Variants in TENM1 observed in about 807,000 individuals in gnomAD.
TENM1 encodes teneurin-1.
TENM1 carries 35 observed loss-of-function variants against 174.8 expected under a neutral mutation model. The ratio of observed to expected loss-of-function variants is 0.20; its 90% CI spans 0.15 to 0.27. TENM1 has a LOEUF of 0.27. TENM1 is among the 10% of genes least tolerant of loss of function. The probability of loss-of-function intolerance (pLI) is 1.00; values close to 1 mark genes in which losing one functional copy is unlikely to be tolerated. For synonymous variants in TENM1, 781 were observed against 798.7 expected, an observed-to-expected ratio of 0.98 and a Z score of 0.37; for missense variants, 1,633 against 2,130.1, an observed-to-expected ratio of 0.77 and a Z score of 4.59.
rs750867851 is a variant in TENM1, at chrX:124,436,832, A to G, written c.4105-14194T>C. Among the ~76,000 whole-genome samples, 8 of 109,070 alleles carry G rather than the reference A, an allele frequency of 7.3e-5. No homozygotes were observed. The South Asian group carries it at 2.7e-3, about 37-fold the overall frequency. The allele number at this position is 109,070 out of a possible 115,157, so 94.7% of individuals were successfully genotyped here. A position where few individuals can be genotyped will look rare whatever the true frequency, so the allele number is the denominator to read the frequency against. On this transcript the variant is annotated intron_variant, in intron 23 of 31. Coordinates refer to ENST00000422452, the Ensembl canonical transcript of TENM1. ...GCCACTTCCTACAGATATTATCTCT[A>G]TCTCTTGTTTTTTTCTGACCCTGTA... is the stretch of plus-strand genomic sequence containing the variant.
chrX:125,155,828 C>T, the TENM1 span, among the ~76,000 whole-genome samples: 1 of 112,456 alleles, frequency 8.9e-6, no homozygotes, highest in Non-Finnish European at 1.9e-5. Flanking sequence ...CCCGGGTTCC[C>T]GCCCATGCCT....
chrX:124,831,910 C>T (rs190945329), intron 3 of TENM1, among the ~76,000 whole-genome samples: 23 of 112,014 alleles, frequency 2.1e-4, no homozygotes, highest in Middle Eastern at 4.6e-3. Flanking sequence ...TGTCACGGGG[C>T]TCGCTTCTCA....
chrX:124,940,505 G>A (rs754801923), intron 1 of TENM1, among the ~76,000 whole-genome samples: 1 of 111,253 alleles, frequency 9.0e-6, no homozygotes, highest in African/African-American at 3.3e-5. Context: ...TGTTCCCTGA[G>A]CCAATAAATT....
chrX:125,102,553 T>C, the TENM1 span, among the ~76,000 whole-genome samples: 1 of 112,000 alleles, frequency 8.9e-6, no homozygotes, highest in Non-Finnish European at 1.9e-5. Flanking sequence ...CCTATGATTG[T>C]ATTATTTATA....
chrX:124,823,253 G>A (rs1279710519), intron 3 of TENM1, among the ~76,000 whole-genome samples: 1 of 112,135 alleles, frequency 8.9e-6, no homozygotes, highest in Non-Finnish European at 1.9e-5. Context: ...GGAAATTCAA[G>A]TGAAATTTTC....
chrX:124,386,188 G>A, intron 28 of TENM1, 124 bp from the exon 32 acceptor site: 2 of 622,681 alleles, frequency 3.2e-6, no homozygotes, highest in South Asian at 6.0e-5. Context: ...AGACACTGTG[G>A]CAAACCCTAG....
intron 3 of TENM1, among the ~76,000 whole-genome samples, chrX:124,830,869 G>T (rs181509381): frequency 1.8e-5 from 2 of 112,079 alleles, no homozygotes; most frequent in South Asian, 7.5e-4. Context: ...AACCTCTGCA[G>T]GGGGGCTAAG....
the TENM1 span, among the ~76,000 whole-genome samples, chrX:125,082,315 C>G: frequency 3.6e-5 from 4 of 110,731 alleles, no homozygotes; most frequent in Admixed American, 9.6e-5. Context: ...CTCTTTTGAT[C>G]TAGCAGCAAT....
intron 11 of TENM1, among the ~76,000 whole-genome samples, chrX:124,627,151 C>T (rs2050656095): frequency 9.0e-6 from 1 of 111,433 alleles, no homozygotes; most frequent in South Asian, 3.8e-4. Context: ...ACACTATGGG[C>T]ATTCCATTGA....
intron 4 of TENM1, among the ~76,000 whole-genome samples, chrX:124,736,084 TA>T: frequency 9.0e-6 from 1 of 111,207 alleles, no homozygotes; most frequent in Admixed American, 9.5e-5. Context: ...TCTATAAAAA[TA>T]AAACAAAAAT....
chrX:124,693,671 C>T (rs1353928223), intron 5 of TENM1, among the ~76,000 whole-genome samples: 5 of 111,295 alleles, frequency 4.5e-5, no homozygotes, highest in Non-Finnish European at 7.5e-5. Flanking sequence ...GAGCCTTTTT[C>T]ATATCTTCAA....
chrX:124,906,124 AC>A (rs1277907987), intron 1 of TENM1, among the ~76,000 whole-genome samples: 3 of 111,993 alleles, frequency 2.7e-5, no homozygotes, highest in Non-Finnish European at 5.6e-5. Context: ...AGTCTAGCCT[AC>A]CTTAAATGTG....
the TENM1 span, among the ~76,000 whole-genome samples, chrX:125,193,099 T>C: frequency 5.4e-5 from 6 of 110,479 alleles, no homozygotes; most frequent in Admixed American, 2.0e-4. Context: ...TTATCTTGTA[T>C]GGCTTGTACC....
At chrX:125,002,947 T>G in the TENM1 span, among the ~76,000 whole-genome samples, 1 of 111,931 alleles carries the variant, frequency 8.9e-6, no homozygotes, top group Non-Finnish European at 1.9e-5. Flanking sequence ...TTCAGAAATT[T>G]TTGCAGTCCT....
At chrX:124,869,846 G>A (rs1318047829) in intron 3 of TENM1, among the ~76,000 whole-genome samples, 6 of 109,376 alleles carry the variant, frequency 5.5e-5, no homozygotes, top group Non-Finnish European at 1.1e-4. Flanking sequence ...AGGGGGCTGT[G>A]GGGGGAGGTG....
the TENM1 span, among the ~76,000 whole-genome samples, chrX:125,193,712 C>T: frequency 2.7e-5 from 3 of 111,299 alleles, no homozygotes; most frequent in South Asian, 7.6e-4. Context: ...AGCTCACCTA[C>T]CTGCCCCTAC....
intron 3 of TENM1, among the ~76,000 whole-genome samples, chrX:124,817,451 ATTT>A (rs1266119192): frequency 2.7e-5 from 3 of 111,998 alleles, no homozygotes; most frequent in African/African-American, 9.7e-5. Flanking sequence ...CAAGTTATAT[ATTT>A]TTAAGTTGCC....
At chrX:124,977,261 T>C in the TENM1 span, among the ~76,000 whole-genome samples, 2 of 112,066 alleles carry the variant, frequency 1.8e-5, no homozygotes, top group East Asian at 5.6e-4. Flanking sequence ...TATACAGTTA[T>C]GATTACTAAT....
At chrX:125,098,328 A>C in the TENM1 span, among the ~76,000 whole-genome samples, 3 of 112,248 alleles carry the variant, frequency 2.7e-5, no homozygotes, top group Non-Finnish European at 5.6e-5. Context: ...CATAGGATCT[A>C]TTTAGCACAA....
Sources: gnomAD v4.1 joint callset for allele counts (sites outside exome capture counted in the v4.1 genomes callset) on GRCh38, gnomAD v4.1.1 for gene constraint, MANE v1.5 for transcripts, NCBI Gene and HGNC (gene_info 2026-07-23, HGNC 2026-07-21) for gene names.